Variants in SDHB observed in about 807,000 individuals in gnomAD.
SDHB encodes the protein succinate dehydrogenase [ubiquinone] iron-sulfur subunit, mitochondrial.
A neutral mutation model predicts 39.7 loss-of-function variants in SDHB; 21 were observed. The ratio of observed to expected loss-of-function variants is 0.53; its 90% CI spans 0.37 to 0.76. SDHB has a LOEUF of 0.76. SDHB is among the 30% of genes least tolerant of loss of function. The probability of loss-of-function intolerance (pLI) is 0.00; values close to 1 mark genes in which losing one functional copy is unlikely to be tolerated. For missense variants in SDHB, 343 were observed against 350.9 expected (o/e 0.98, Z 0.18); for synonymous variants, 118 against 117.0 (o/e 1.01, Z -0.06).
intron 2 of SDHB, among the ~76,000 whole-genome samples, chr1:17,033,596 G>T (rs2078034399): frequency 6.6e-6 from 1 of 152,212 alleles, no homozygotes. Context: ...CAGTCCCCCA[G>T]TCAAATCACT....
chr1:17,050,890 G>T (rs531054198), intron 1 of SDHB, among the ~76,000 whole-genome samples: 1 of 152,070 alleles, frequency 6.6e-6, no homozygotes, highest in Non-Finnish European at 1.5e-5. Flanking sequence ...TTCATTCATC[G>T]AACCTTTATA....
intron 2 of SDHB, among the ~76,000 whole-genome samples, chr1:17,038,638 G>A (rs2078062612): frequency 6.6e-6 from 1 of 152,126 alleles, no homozygotes; most frequent in Non-Finnish European, 1.5e-5. Flanking sequence ...CCTTATTCCT[G>A]ATCTTATGGG....
At chr1:17,041,834 T>C (rs181224533) in intron 2 of SDHB, among the ~76,000 whole-genome samples, 3 of 152,298 alleles carry the variant, frequency 2.0e-5, no homozygotes, top group African/African-American at 7.2e-5. Flanking sequence ...TCCTCCTCTG[T>C]GTTTCTCTTC....
At position 17,042,954 on chromosome 1, in the gene SDHB, G is replaced by GTTTTTTTTTTTTTTTT. The variant is rs143394198; in HGVS notation, c.200+1791_200+1806dup. Among the ~76,000 whole-genome samples, 6 of 62,892 alleles carry GTTTTTTTTTTTTTTTT rather than the reference G, an allele frequency of 9.5e-5. 1 individual carries two copies. Among genetic ancestry groups the GTTTTTTTTTTTTTTTT allele is most frequent in the African/African-American group, 2.0e-4 (3 of 14,670 alleles). 41.3% of individuals were successfully genotyped at this position (62,892 alleles called of 152,430 possible). On this transcript the variant is annotated intron_variant, in intron 2 of 7. Coordinates refer to ENST00000375499, the MANE Select transcript of SDHB (RefSeq NM_003000.3). The stretch of plus-strand genomic sequence containing the variant: ...AGCAGTAGGGTTTTTTGTTTTATGA[G>GTTTTTTTTTTTTTTTT]TTTTTTTTTTTTTTTTTTTTTTTTT...
At chr1:17,027,582 A>G (rs976615317) in intron 5 of SDHB, 167 bp downstream of exon 5, 7 of 663,138 alleles carry the variant, frequency 1.1e-5, no homozygotes, top group Non-Finnish European at 1.7e-5. Context: ...ACGGGTTCAC[A>G]CTACTCACCC....
At chr1:17,022,559 C>G in intron 7 of SDHB, 49 bp downstream of exon 7, 1 of 1,610,762 alleles carries the variant, frequency 6.2e-7, no homozygotes, top group Non-Finnish European at 8.5e-7. Flanking sequence ...CATGCTACTT[C>G]TGGCGTGTCA....
chr1:17,040,312 G>T (rs1570955292), intron 2 of SDHB, among the ~76,000 whole-genome samples: 1 of 152,234 alleles, frequency 6.6e-6, no homozygotes, highest in East Asian at 1.9e-4. Flanking sequence ...TACCTAGTTG[G>T]GGTTCACTAA....
At chr1:17,022,027 C>T (rs966241371) in intron 7 of SDHB, among the ~76,000 whole-genome samples, 1 of 152,208 alleles carries the variant, frequency 6.6e-6, no homozygotes, top group Admixed American at 6.5e-5. Context: ...GCGACACCCT[C>T]TCAGGAAACT....
At chr1:17,025,053 T>C (rs1408513759) in intron 5 of SDHB, among the ~76,000 whole-genome samples, 1 of 152,068 alleles carries the variant, frequency 6.6e-6, no homozygotes, top group African/African-American at 2.4e-5. Flanking sequence ...CCTAGAAAAA[T>C]CTGTAATAAG....
chr1:17,034,233 C>T (rs1035350807), intron 2 of SDHB, among the ~76,000 whole-genome samples: 6 of 152,086 alleles, frequency 3.9e-5, no homozygotes, highest in Non-Finnish European at 5.9e-5. Context: ...CTGTAACCTC[C>T]GCATCCCAGC....
chr1:17,028,847 GC>G, intron 3 of SDHB, 111 bp from the exon 4 acceptor site: 1 of 1,263,792 alleles, frequency 7.9e-7, no homozygotes, highest in South Asian at 1.2e-5. Flanking sequence ...GCACTGACAT[GC>G]AACATTCCTC....
chr1:17,023,918 G>A, intron 6 of SDHB, 55 bp downstream of exon 6: 1 of 1,350,050 alleles, frequency 7.4e-7, no homozygotes, highest in Non-Finnish European at 1.1e-6. Flanking sequence ...TGTCCTCTTG[G>A]ACTTCTGGAT....
At chr1:17,037,045 G>C (rs1356197992) in intron 2 of SDHB, among the ~76,000 whole-genome samples, 1 of 151,918 alleles carries the variant, frequency 6.6e-6, no homozygotes, top group East Asian at 1.9e-4. Context: ...AAAGAATATA[G>C]CTATTTTTTG....
At chr1:17,044,656 A>C in intron 2 of SDHB, 105 bp downstream of exon 2, 1 of 1,335,154 alleles carries the variant, frequency 7.5e-7, no homozygotes, top group Non-Finnish European at 1.1e-6. Context: ...AAACAGAGCC[A>C]TCGGATGATC....
rs111430410 is a variant in SDHB, at chr1:17,053,988, C to T, written c.32G>A (p.Arg11His). The change falls in exon 1 of 8, where the codon CGC (arginine) becomes CAC (histidine). Residue 11 changes from arginine to histidine, a missense_variant. Transcript: ENST00000375499. MAAVVALSLR[R>H]RLPATTLGGA... Reference sequence around the variant, plus strand: ...GCCAAGGGTTGTGGCCGGCAACCGGCGCCTCAAGGAGAGGGCGACCACCGC... The same window carrying T: ...GCCAAGGGTTGTGGCCGGCAACCGGTGCCTCAAGGAGAGGGCGACCACCGC... 3.4e-4 allele frequency: 549 copies of T among 1,612,962 alleles called. 2 individuals are homozygous for T. The African/African-American group carries it at 6.3e-3, about 19-fold the overall frequency.
chr1:17,040,664 A>G (rs1213244327), intron 2 of SDHB, among the ~76,000 whole-genome samples: 1 of 152,068 alleles, frequency 6.6e-6, no homozygotes. Context: ...AAGGTCTCAC[A>G]GGTTGCCCAA....
intron 2 of SDHB, among the ~76,000 whole-genome samples, chr1:17,036,533 AG>A (rs1468236766): frequency 6.6e-6 from 1 of 151,840 alleles, no homozygotes; most frequent in African/African-American, 2.4e-5. Flanking sequence ...TTTGTTCCTA[AG>A]AATTTCTTTT....
In SDHB at chr1:17,038,379, C is replaced by G. The variant is rs532044809; in HGVS notation, c.201-5234G>C. ...AGAATTATCTGTAGCCATTGAAATA[C>G]ACACACACACAAATAGTATTTTGCA... On this transcript the variant is annotated intron_variant, in intron 2 of 7. Coordinates refer to ENST00000375499, the MANE Select transcript of SDHB (RefSeq NM_003000.3). 1.4e-4 allele frequency among the ~76,000 whole-genome samples: 22 copies of G among 152,208 alleles called. 1 individual carries two copies. In the South Asian group the frequency reaches 4.6e-3, roughly 32 times the overall value.
intron 1 of SDHB, among the ~76,000 whole-genome samples, chr1:17,047,681 T>TAAA: frequency 7.5e-6 from 1 of 132,990 alleles, no homozygotes; most frequent in Admixed American, 7.6e-5. Flanking sequence ...AAACTCAAGC[T>TAAA]AAAAAAAAAA....
Sources: gnomAD v4.1 joint callset for allele counts (sites outside exome capture counted in the v4.1 genomes callset) on GRCh38, gnomAD v4.1.1 for gene constraint, MANE v1.5 for transcripts, NCBI Gene and HGNC (gene_info 2026-07-23, HGNC 2026-07-21) for gene names.